ANK2: variants seen among roughly 807,000 people sequenced by gnomAD.
The protein encoded by ANK2 is ankyrin 2, also known as ankyrin-2.
ANK2 carries 83 observed loss-of-function variants against 360.5 expected under a neutral mutation model. That is an observed-to-expected ratio of 0.23 (90% CI 0.19 to 0.28). ANK2 has a LOEUF of 0.28. Ranked by LOEUF, ANK2 falls within the 10% of genes least tolerant of loss-of-function variation. The pLI is 1.00. For synonymous variants in ANK2, 1,740 were observed against 1,759.5 expected, an observed-to-expected ratio of 0.99 and a Z score of 0.28; for missense variants, 4,201 against 4,795.7, an observed-to-expected ratio of 0.88 and a Z score of 3.66.
chr4:113,255,671 A>G, intron 10 of ANK2, 64 bp from the exon 11 acceptor site: 1 of 1,556,934 alleles, frequency 6.4e-7, no homozygotes, highest in Non-Finnish European at 8.8e-7. Flanking sequence ...ACTTTGCTGT[A>G]CTTTGGAACC....
chr4:113,321,057 G>A (rs1159639326), intron 26 of ANK2, among the ~76,000 whole-genome samples: 1 of 152,178 alleles, frequency 6.6e-6, no homozygotes, highest in African/African-American at 2.4e-5. Flanking sequence ...GTGGTTAATA[G>A]TGTGCTTGGG....
At chr4:113,000,048 A>G (rs1299528666) in intron 2 of ANK2, among the ~76,000 whole-genome samples, 4 of 152,228 alleles carry the variant, frequency 2.6e-5, no homozygotes, top group Non-Finnish European at 5.9e-5. Context: ...GGGAGTTCAC[A>G]TAAAAGGACT....
the ANK2 span, among the ~76,000 whole-genome samples, chr4:112,795,716 C>T: frequency 6.6e-6 from 1 of 151,848 alleles, no homozygotes; most frequent in South Asian, 2.1e-4. Context: ...GTTGGCCAGG[C>T]TGGTCTCAAG....
At chr4:112,979,988 G>C (rs2042622991) in intron 2 of ANK2, 3 of 152,254 alleles carry the variant, frequency 2.0e-5, no homozygotes, top group Admixed American at 2.0e-4. Flanking sequence ...CCGGAAACCC[G>C]CCCCTTTCCG....
chr4:113,294,173 C>T (rs565395029), intron 22 of ANK2, among the ~76,000 whole-genome samples: 1 of 152,270 alleles, frequency 6.6e-6, no homozygotes, highest in South Asian at 2.1e-4. Flanking sequence ...TATCACTGGC[C>T]TTTGCTAGAG....
chr4:113,025,697 T>A (rs935018287), intron 2 of ANK2, among the ~76,000 whole-genome samples: 1 of 152,194 alleles, frequency 6.6e-6, no homozygotes, highest in Non-Finnish European at 1.5e-5. Context: ...AGTACCTCTC[T>A]CTTTTTCTCT....
intron 2 of ANK2, among the ~76,000 whole-genome samples, chr4:112,913,964 A>T (rs1467134253): frequency 6.6e-6 from 1 of 152,154 alleles, no homozygotes; most frequent in African/African-American, 2.4e-5. Flanking sequence ...GAGTAATAGT[A>T]ACATCTATAA....
Position 112,993,058 on chromosome 4 carries a change from G to C in ANK2, c.21+88544G>C, listed in dbSNP as rs137906655. ...AGCACTTCAGGAGATTGAGGCGGGAGGACTGCTTGAGCCCATGAATTCGAG... is the reference window on the plus strand; with the variant it reads ...AGCACTTCAGGAGATTGAGGCGGGACGACTGCTTGAGCCCATGAATTCGAG... On this transcript the variant is annotated intron_variant, in intron 2 of 30. Coordinates refer to the ANK2 transcript ENST00000503271. Among the ~76,000 whole-genome samples the C allele has an allele frequency of 2.0e-4, 31 of 152,088 alleles. No homozygotes were observed. In the East Asian group the frequency reaches 5.8e-3, roughly 29 times the overall value.
chr4:113,342,974 A>G (rs2094457990), intron 33 of ANK2, 43 bp from the exon 34 acceptor site: 1 of 1,611,718 alleles, frequency 6.2e-7, no homozygotes, highest in East Asian at 2.2e-5. Context: ...CAACAAGTAT[A>G]ATTGCAGCTA....
chr4:113,236,386 T>A (rs1424057655), intron 5 of ANK2, among the ~76,000 whole-genome samples: 1 of 152,192 alleles, frequency 6.6e-6, no homozygotes, highest in African/African-American at 2.4e-5. Flanking sequence ...TATATCTCAA[T>A]GGTCAAAATA....
intron 26 of ANK2, among the ~76,000 whole-genome samples, chr4:113,326,140 T>A (rs2089728554): frequency 6.6e-6 from 1 of 152,130 alleles, no homozygotes; most frequent in Non-Finnish European, 1.5e-5. Flanking sequence ...TGCTTACAAT[T>A]TTTTTTATGC....
intron 1 of ANK2, among the ~76,000 whole-genome samples, chr4:112,865,067 A>T (rs976171801): frequency 2.9e-5 from 4 of 139,736 alleles, no homozygotes; most frequent in African/African-American, 1.1e-4. Context: ...AAAAAAAAAA[A>T]AAAGGAGTAG....
chr4:113,118,366 G>A lies in ANK2; in HGVS notation c.85-56050G>A, dbSNP rs548748566. On this transcript the variant is annotated intron_variant, in intron 1 of 45. Coordinates refer to ENST00000357077, the MANE Select transcript of ANK2 (RefSeq NM_001148.6). ...AGCTCTGGGATTAGGGATGCAATGG[G>A]GATCCATATACTTAATAATCCATAT... Among the ~76,000 whole-genome samples, 13 of 152,228 alleles carry A rather than the reference G, an allele frequency of 8.5e-5. No homozygotes were observed. In the South Asian group the frequency reaches 2.7e-3, roughly 32 times the overall value.
rs768323146 is a variant in ANK2 at position 113,311,307 on chromosome 4, A to G, written c.2601A>G (p.Leu867=). ...DGGEYLRPED[L]KELGDDSLPS... ...GAGAATACCTTAGGCCTGAGGACCT[A>G]AAAGAACTGGGTGATGACTCACTAC... Residue 867 remains leucine, a synonymous_variant, in exon 24 of 46, where the codon CTA becomes CTG. Transcript: ENST00000357077. 2.5e-6 allele frequency: 4 copies of G among 1,614,150 alleles called. No homozygotes were observed. Among genetic ancestry groups the G allele is most frequent in the South Asian group, 1.1e-5 (1 of 91,084 alleles).
chr4:112,916,383 T>C (rs972486499), intron 2 of ANK2, among the ~76,000 whole-genome samples: 1 of 152,230 alleles, frequency 6.6e-6, no homozygotes, highest in African/African-American at 2.4e-5. Flanking sequence ...TAGGAGAATG[T>C]GGGGTTATTA....
At chr4:112,891,961 A>G (rs1043933632) in intron 1 of ANK2, among the ~76,000 whole-genome samples, 2 of 152,214 alleles carry the variant, frequency 1.3e-5, no homozygotes, top group East Asian at 1.9e-4. Context: ...GTTATCCCAG[A>G]GGAATAAAAT....
rs770481878 is a variant in ANK2 at position 113,359,078 on chromosome 4, A to C, written c.10460A>C (p.Lys3487Thr). 6.2e-7 allele frequency: 1 copy of C among 1,614,100 alleles called. No homozygotes were observed. The highest frequency in any genetic ancestry group is 8.5e-7 in the Non-Finnish European group (1 of 1,179,954). Residue 3487 changes from lysine to threonine, a missense_variant, in exon 38 of 46, where the codon AAA becomes ACA. Physicochemically the swap from Lys to Thr is moderately conservative, Grantham distance 78. This residue lies in a region of ANK2 where 2,642 missense variants were observed against 2,714.5 expected (regional missense o/e 0.97). Transcript: ENST00000357077. Reference sequence around the variant, plus strand: ...GAGGAGATTAGTGATGAGGCTTCCAAATTAGTGGATAGGCTGACACAGTCA... The same window carrying C: ...GAGGAGATTAGTGATGAGGCTTCCACATTAGTGGATAGGCTGACACAGTCA... Reference protein sequence around the residue: ...FFEEISDEASKLVDRLTQSER... With the variant: ...FFEEISDEASTLVDRLTQSER...
chr4:112,775,308 C>T, the ANK2 span, among the ~76,000 whole-genome samples: 8 of 152,100 alleles, frequency 5.3e-5, no homozygotes, highest in African/African-American at 7.2e-5. Flanking sequence ...TACTTGAGGT[C>T]GGAAGTTCGA....
chr4:113,003,608 C>T (rs1250488820), intron 2 of ANK2, among the ~76,000 whole-genome samples: 1 of 152,166 alleles, frequency 6.6e-6, no homozygotes, highest in Non-Finnish European at 1.5e-5. Context: ...ACTATATGAT[C>T]AAGGTGACAT....
Sources: gnomAD v4.1 joint callset for allele counts (sites outside exome capture counted in the v4.1 genomes callset) on GRCh38, gnomAD v4.1.1 for gene constraint, gnomAD v4.1.1 regional missense constraint, MANE v1.5 for transcripts, NCBI Gene and HGNC (gene_info 2026-07-23, HGNC 2026-07-21) for gene names.